MRPL35: variants seen among roughly 807,000 people sequenced by gnomAD.
MRPL35 encodes the protein mitochondrial ribosomal protein L35.
A neutral mutation model predicts 21.6 loss-of-function variants in MRPL35; 18 were observed. That is an observed-to-expected ratio of 0.83 (90% confidence interval 0.58 to 1.24). The LOEUF is 1.24. MRPL35 is among the 50% of genes most tolerant of loss of function. The pLI is 0.00. For missense variants in MRPL35, 223 were observed against 223.2 expected, an observed-to-expected ratio of 1.00 and a Z score of 0.01; for synonymous variants, 87 against 86.9, an observed-to-expected ratio of 1.00 and a Z score of -0.01.
chr2:86,207,113 G>A lies in MRPL35; in HGVS notation c.234-70G>A, dbSNP rs1468299713. On this transcript the variant is annotated intron_variant, in intron 2 of 3. Coordinates refer to ENST00000337109, the MANE Select transcript of MRPL35 (RefSeq NM_016622.4). Reference sequence around the variant, plus strand: ...TTGGAGCAGCTTTACTCATTTCTCAGTATAGATAATGAATTTTAATCCTTT... The same window carrying A: ...TTGGAGCAGCTTTACTCATTTCTCAATATAGATAATGAATTTTAATCCTTT... The A allele has an allele frequency of 4.2e-6, 6 of 1,429,264 alleles. No individual in the cohort carries two copies. In the African/African-American group the frequency reaches 7.2e-5, roughly 17 times the overall value. The allele number at this position is 1,429,264 out of a possible 1,614,324, so 88.5% of individuals were successfully genotyped here.
At chr2:86,205,487 G>A (rs185469036) in intron 1 of MRPL35, among the ~76,000 whole-genome samples, 11 of 152,168 alleles carry the variant, frequency 7.2e-5, no homozygotes, top group African/African-American at 2.2e-4. Context: ...AGGCATACTC[G>A]GTGTAACTTT....
chr2:86,213,719 TATTCTATTTTCACA>T lies in MRPL35; in HGVS notation c.*3052_*3065del. 6.6e-7 allele frequency: 1 copy of T among 1,517,666 alleles called. No homozygotes were observed. The highest frequency in any genetic ancestry group is 8.9e-7 in the Non-Finnish European group (1 of 1,119,204). The allele number at this position is 1,517,666 out of a possible 1,614,324, so 94.0% of individuals were successfully genotyped here. ...CACAATTGAAACTCTACCAGTGGACTATTCTATTTTCACAGCTACCTAGTTTCTGCCGATGATTT... is the reference window on the plus strand; with the variant it reads ...CACAATTGAAACTCTACCAGTGGACTGCTACCTAGTTTCTGCCGATGATTT... On this transcript the variant is annotated 3_prime_UTR_variant, in exon 4 of 4. Coordinates refer to ENST00000337109, the MANE Select transcript of MRPL35 (RefSeq NM_016622.4).
Position 86,210,515 on chromosome 2 carries a change from T to C in MRPL35, c.414T>C (p.Pro138=), listed in dbSNP as rs1673882710. ...AGAAAAAATTATGGAAAAAGACACC[T>C]GCAAGGAAGAAGCGATTGAGGGAAT... ...GYKKKLWKKT[P]ARKKRLREFV... Residue 138 remains proline (P), a synonymous_variant, in exon 4 of 4, where the codon CCT becomes CCC. Coordinates refer to ENST00000337109, the MANE Select transcript of MRPL35 (RefSeq NM_016622.4). The C allele has an allele frequency of 6.2e-7, 1 of 1,611,206 alleles. No individual in the cohort carries two copies. The highest frequency in any genetic ancestry group is 1.3e-5 in the African/African-American group (1 of 74,766).
chr2:86,212,584 T>C lies in MRPL35; in HGVS notation c.*1916T>C. The C allele has an allele frequency of 6.7e-7, 1 of 1,490,534 alleles. No individual in the cohort carries two copies. The highest frequency in any genetic ancestry group is 8.9e-7 in the Non-Finnish European group (1 of 1,121,988). The allele number at this position is 1,490,534 out of a possible 1,614,324, so 92.3% of individuals were successfully genotyped here. The stretch of plus-strand genomic sequence containing the variant: ...CTCCATGATGTCTTTATTGCAAATA[T>C]GGATGACAAGGGTCTCTGTTACAGG... On this transcript the variant is annotated 3_prime_UTR_variant, in exon 4 of 4. Transcript: ENST00000337109.
chr2:86,210,625 A>G lies in MRPL35; in HGVS notation c.524A>G (p.Asp175Gly). 6.2e-7 allele frequency: 1 copy of G among 1,613,704 alleles called. No homozygotes were observed. The highest frequency in any genetic ancestry group is 8.5e-7 in the Non-Finnish European group (1 of 1,179,774). Reference sequence around the variant, plus strand: ...AAGAGGCGAAACTGGTACGTTGATGATCCTTATCAGAAGTATCATGATCGA... The same window carrying G: ...AAGAGGCGAAACTGGTACGTTGATGGTCCTTATCAGAAGTATCATGATCGA... ...FWKRRNWYVD[D>G]PYQKYHDRTN... Residue 175 changes from aspartate to glycine, a missense_variant, in exon 4 of 4, where the codon GAT becomes GGT. Transcript: ENST00000337109.
intron 2 of MRPL35, among the ~76,000 whole-genome samples, chr2:86,206,770 G>A (rs1359546379): frequency 6.6e-6 from 1 of 152,184 alleles, no homozygotes; most frequent in Non-Finnish European, 1.5e-5. Flanking sequence ...GGGTGCACAA[G>A]ACGCTCAGCT....
At chr2:86,205,225 A>G (rs1167119581) in intron 1 of MRPL35, among the ~76,000 whole-genome samples, 1 of 152,196 alleles carries the variant, frequency 6.6e-6, no homozygotes, top group Non-Finnish European at 1.5e-5. Context: ...ACCCTGCCTC[A>G]AAAAAAGAAT....
rs1434874627 is a variant in MRPL35 at position 86,212,979 on chromosome 2, C to A, written c.*2311C>A. The A allele has an allele frequency of 4.3e-6, 3 of 701,616 alleles. No homozygotes were observed. The African/African-American group carries it at 5.8e-5, about 14-fold the overall frequency. 43.5% of individuals were successfully genotyped at this position (701,616 alleles called of 1,614,324 possible). ...TGGGTACATACATACTGTCTAACTG[C>A]TAATCCACATTTCCAGTCTTACAAA... On this transcript the variant is annotated 3_prime_UTR_variant, in exon 4 of 4. Coordinates refer to ENST00000337109, the MANE Select transcript of MRPL35 (RefSeq NM_016622.4).
rs1158394012 is a variant in MRPL35 at position 86,213,089 on chromosome 2, TAATAAGACCCAG to T, written c.*2425_*2436del. On this transcript the variant is annotated 3_prime_UTR_variant, in exon 4 of 4. Transcript: ENST00000337109. ...TTAAGTAAATTACCCAAAGTACAGC[TAATAAGACCCAG>T]AATCTCAGTCTCACTCCTTGGGATC... 1.0e-6 allele frequency: 1 copy of T among 984,526 alleles called. No individual in the cohort carries two copies. Among genetic ancestry groups the T allele is most frequent in the Non-Finnish European group, 1.2e-6 (1 of 829,170 alleles). The allele number at this position is 984,526 out of a possible 1,614,324, so 61.0% of individuals were successfully genotyped here. A position where few individuals can be genotyped will look rare whatever the true frequency, so the allele number is the denominator to read the frequency against.
rs757777058 is a variant in MRPL35 at position 86,207,315 on chromosome 2, G to C, written c.366G>C (p.Trp122Cys). 8 of 1,612,644 alleles carry C rather than the reference G, an allele frequency of 5.0e-6. No homozygotes were observed. The South Asian group carries it at 8.8e-5, about 18-fold the overall frequency. The change falls in exon 3 of 4, where the codon TGG (tryptophan) becomes TGC (cysteine). Residue 122 changes from tryptophan (W) to cysteine (C), a missense_variant. Coordinates refer to ENST00000337109, the MANE Select transcript of MRPL35 (RefSeq NM_016622.4). ...DRFLRLHCGL[W>C]VRRKAGYKKK... ...TTCTTCGACTTCATTGTGGCCTTTG[G>C]GTGAGGAGAAAGGTGAGTCTTCACA... is the stretch of plus-strand genomic sequence containing the variant.
At chr2:86,208,244 G>C (rs1247924567) in intron 3 of MRPL35, among the ~76,000 whole-genome samples, 1 of 151,658 alleles carries the variant, frequency 6.6e-6, no homozygotes, top group African/African-American at 2.4e-5. Context: ...AAGGTCTAAT[G>C]TTCTGAGTTT....
At position 86,213,457 on chromosome 2, in the gene MRPL35, C is replaced by G; in HGVS notation, c.*2789C>G. The G allele has an allele frequency of 7.5e-7, 1 of 1,331,916 alleles. No individual in the cohort carries two copies. The highest frequency in any genetic ancestry group is 9.7e-7 in the Non-Finnish European group (1 of 1,035,812). The allele number at this position is 1,331,916 out of a possible 1,614,324, so 82.5% of individuals were successfully genotyped here. A position where few individuals can be genotyped will look rare whatever the true frequency, so the allele number is the denominator to read the frequency against. On this transcript the variant is annotated 3_prime_UTR_variant, in exon 4 of 4. Transcript: ENST00000337109. ...ATTTTGTCAAACATAGAATACAGGA[C>G]TAAAAATGCAAAGAAATTGGGTCTG...
intron 2 of MRPL35, among the ~76,000 whole-genome samples, chr2:86,206,707 C>T (rs1378455849): frequency 1.3e-5 from 2 of 152,190 alleles, no homozygotes; most frequent in Admixed American, 1.3e-4. Flanking sequence ...ACACAGCATG[C>T]TTCTGATGTT....
In MRPL35 at chr2:86,211,449, A is replaced by G; in HGVS notation, c.*781A>G. On this transcript the variant is annotated 3_prime_UTR_variant, in exon 4 of 4. Transcript: ENST00000337109. ...TGTATTAGCAGGTTTGCATGCAGCA[A>G]AAAAACAGTTATGTGAGCAGTTTCA... 1 of 985,490 alleles carries G rather than the reference A, an allele frequency of 1.0e-6. No homozygotes were observed. The highest frequency in any genetic ancestry group is 1.2e-6 in the Non-Finnish European group (1 of 829,966). 61.0% of individuals were successfully genotyped at this position (985,490 alleles called of 1,614,324 possible).
chr2:86,199,675 G>T, intron 1 of MRPL35, 142 bp downstream of exon 1: 1 of 1,097,300 alleles, frequency 9.1e-7, no homozygotes, highest in African/African-American at 1.6e-5. Flanking sequence ...TTTTCTCTGG[G>T]GCGGTGTGAC....
intron 1 of MRPL35, among the ~76,000 whole-genome samples, chr2:86,202,934 C>G (rs1673718021): frequency 6.6e-6 from 1 of 151,758 alleles, no homozygotes; most frequent in African/African-American, 2.4e-5. Flanking sequence ...AGGTGATCCG[C>G]CGGGGCCTCC....
At chr2:86,208,582 C>T (rs1274867647) in intron 3 of MRPL35, among the ~76,000 whole-genome samples, 1 of 152,214 alleles carries the variant, frequency 6.6e-6, no homozygotes, top group Admixed American at 6.5e-5. Context: ...GCTGGGATTA[C>T]AGGCATGGGC....
Position 86,210,506 on chromosome 2 carries a change from A to G in MRPL35, c.405A>G (p.Lys135=). ...RKAGYKKKLW[K]KTPARKKRLR... is the part of the protein sequence containing the mutation. The stretch of plus-strand genomic sequence containing the variant: ...CTGGCTATAAGAAAAAATTATGGAA[A>G]AAGACACCTGCAAGGAAGAAGCGAT... Residue 135 remains lysine (K), a synonymous_variant, in exon 4 of 4, where the codon AAA becomes AAG. Transcript: ENST00000337109. 1 of 1,608,040 alleles carries G rather than the reference A, an allele frequency of 6.2e-7. No homozygotes were observed. The highest frequency in any genetic ancestry group is 8.5e-7 in the Non-Finnish European group (1 of 1,177,976).
At chr2:86,207,727 A>G (rs1287372907) in intron 3 of MRPL35, among the ~76,000 whole-genome samples, 1 of 152,186 alleles carries the variant, frequency 6.6e-6, no homozygotes, top group South Asian at 2.1e-4. Context: ...TAATCCCAGC[A>G]CTTTGGGAGG....
Sources: gnomAD v4.1 joint callset for allele counts (sites outside exome capture counted in the v4.1 genomes callset) on GRCh38, gnomAD v4.1.1 for gene constraint, MANE v1.5 for transcripts, NCBI Gene and HGNC (gene_info 2026-07-23, HGNC 2026-07-21) for gene names.